Variants in HIBADH observed in about 807,000 individuals in gnomAD.
HIBADH encodes 3-hydroxyisobutyrate dehydrogenase, also known as 3-hydroxyisobutyrate dehydrogenase, mitochondrial.
HIBADH carries 25 observed loss-of-function variants against 36.1 expected under a neutral mutation model. That is an observed-to-expected ratio of 0.69 (90% CI 0.50 to 0.97). HIBADH has a LOEUF of 0.97. HIBADH is among the 50% of genes least tolerant of loss of function. HIBADH has a pLI of 0.00. For synonymous variants in HIBADH, 160 were observed against 149.5 expected (o/e 1.07, Z -0.51); for missense variants, 421 against 418.0 (o/e 1.01, Z -0.06).
At chr7:27,560,313 T>TC (rs1253747530) in intron 4 of HIBADH, among the ~76,000 whole-genome samples, 3 of 152,354 alleles carry the variant, frequency 2.0e-5, no homozygotes, top group Middle Eastern at 6.8e-3. Context: ...GAGACGGGGT[T>TC]TCGCCATGTT....
intron 2 of HIBADH, among the ~76,000 whole-genome samples, chr7:27,639,984 A>G (rs1785932407): frequency 6.6e-6 from 1 of 152,178 alleles, no homozygotes; most frequent in Admixed American, 6.5e-5. Flanking sequence ...AACTTGAAGT[A>G]GTCTGAACTA....
chr7:27,565,678 G>A (rs1784536947), intron 4 of HIBADH, among the ~76,000 whole-genome samples: 1 of 152,132 alleles, frequency 6.6e-6, no homozygotes. Context: ...GATTTCTAGT[G>A]AGAGACTAAG....
At position 27,585,384 on chromosome 7, in the gene HIBADH, T is replaced by A. The variant is rs115814098; in HGVS notation, c.485-42284A>T. Among the ~76,000 whole-genome samples the A allele has an allele frequency of 4.7e-3, 709 of 152,274 alleles. 7 individuals carry two copies. Among genetic ancestry groups the A allele is most frequent in the African/African-American group, 0.015 (639 of 41,570 alleles). On this transcript the variant is annotated intron_variant, in intron 4 of 7. Transcript: ENST00000265395. ...ACATCACCAAAGCAGTCTATGAGGCTACACATCTTCCCTATCTATGCTAGG... is the reference window on the plus strand; with the variant it reads ...ACATCACCAAAGCAGTCTATGAGGCAACACATCTTCCCTATCTATGCTAGG...
At chr7:27,527,917 C>CTTTTTTT (rs1562609863) in intron 7 of HIBADH, among the ~76,000 whole-genome samples, 2,333 of 76,952 alleles carry the variant, frequency 0.03, 693 homozygotes, top group African/African-American at 0.071. Flanking sequence ...CCACACCCAG[C>CTTTTTTT]GTTTTTTTTT....
chr7:27,545,227 G>A (rs191646535), intron 4 of HIBADH, among the ~76,000 whole-genome samples: 276 of 152,252 alleles, frequency 1.8e-3, no homozygotes, highest in Non-Finnish European at 1.9e-3. Flanking sequence ...GACTGCTTGA[G>A]CCCAGAAGTT....
chr7:27,629,393 G>A lies in HIBADH; in HGVS notation c.462C>T (p.Phe154=). The change falls in exon 4 of 8, where the codon TTC becomes TTT. Residue 154 remains phenylalanine (F), a synonymous_variant. Coordinates refer to ENST00000265395, the MANE Select transcript of HIBADH (RefSeq NM_152740.4). ...AKEVEKMGAV[F]MDAPVSGGVG... ...TACCACCAGAAACAGGGGCATCCAT[G>A]AAAACTGCTCCCATTTTCTCAACTT... is the stretch of plus-strand genomic sequence containing the variant. 1 of 1,611,752 alleles carries A rather than the reference G, an allele frequency of 6.2e-7. No homozygotes were observed.
At chr7:27,651,420 A>G (rs1174980585) in intron 1 of HIBADH, among the ~76,000 whole-genome samples, 3 of 152,230 alleles carry the variant, frequency 2.0e-5, no homozygotes, top group Admixed American at 1.3e-4. Context: ...AAGGAATTCA[A>G]TGACAGAAAA....
intron 4 of HIBADH, among the ~76,000 whole-genome samples, chr7:27,619,323 A>G (rs1302854228): frequency 2.0e-5 from 3 of 152,214 alleles, no homozygotes; most frequent in Non-Finnish European, 4.4e-5. Flanking sequence ...CTTCCCCTAT[A>G]AAAAGTAAAT....
intron 4 of HIBADH, among the ~76,000 whole-genome samples, chr7:27,577,347 G>A (rs1468175372): frequency 3.3e-5 from 5 of 151,830 alleles, no homozygotes; most frequent in Non-Finnish European, 7.4e-5. Context: ...ATTTTTAGTG[G>A]AGATGGGGTT....
At chr7:27,583,326 A>C (rs1381376075) in intron 4 of HIBADH, among the ~76,000 whole-genome samples, 2 of 152,052 alleles carry the variant, frequency 1.3e-5, no homozygotes, top group African/African-American at 2.4e-5. Context: ...AAGTAAGGAG[A>C]ACAAAATTCA....
At chr7:27,534,825 C>T (rs535122833) in intron 6 of HIBADH, among the ~76,000 whole-genome samples, 5 of 151,862 alleles carry the variant, frequency 3.3e-5, no homozygotes, top group African/African-American at 1.2e-4. Flanking sequence ...TACCACATAT[C>T]GACACCTACT....
At chr7:27,598,693 G>A (rs769092576) in intron 4 of HIBADH, among the ~76,000 whole-genome samples, 15 of 151,950 alleles carry the variant, frequency 9.9e-5, no homozygotes, top group Non-Finnish European at 2.2e-4. Flanking sequence ...GAAAGATAAA[G>A]GTCTCCAAAC....
intron 2 of HIBADH, among the ~76,000 whole-genome samples, chr7:27,636,727 C>A (rs577501083): frequency 6.6e-6 from 1 of 152,272 alleles, no homozygotes; most frequent in Non-Finnish European, 1.5e-5. Flanking sequence ...GCAGCATCTC[C>A]AAGGAAAATC....
Position 27,630,808 on chromosome 7 carries a change from A to G in HIBADH, c.363-1316T>C, listed in dbSNP as rs528521450. Reference sequence around the variant, plus strand: ...AATTTTAGACATATGAATTGTTACAATTCAAATGCAATTGTTGGGTATATT... The same window carrying G: ...AATTTTAGACATATGAATTGTTACAGTTCAAATGCAATTGTTGGGTATATT... On this transcript the variant is annotated intron_variant, in intron 3 of 7. Coordinates refer to ENST00000265395, the MANE Select transcript of HIBADH (RefSeq NM_152740.4). Among the ~76,000 whole-genome samples the G allele has an allele frequency of 7.9e-5, 12 of 152,322 alleles. No homozygotes were observed. In the South Asian group the frequency reaches 1.4e-3, roughly 18 times the overall value.
At position 27,526,189 on chromosome 7, in the gene HIBADH, C is replaced by A; in HGVS notation, c.*25G>T. 2 of 1,579,010 alleles carry A rather than the reference C, an allele frequency of 1.3e-6. No individual in the cohort carries two copies. Among genetic ancestry groups the A allele is most frequent in the Non-Finnish European group, 1.7e-6 (2 of 1,164,232 alleles). ...CTCCAAGACAGAGTTTGGTTCCCAACAGTGTCCGTGGCCAAAGGGCACACT... is the reference window on the plus strand; with the variant it reads ...CTCCAAGACAGAGTTTGGTTCCCAAAAGTGTCCGTGGCCAAAGGGCACACT... On this transcript the variant is annotated 3_prime_UTR_variant, in exon 8 of 8. Coordinates refer to ENST00000265395, the MANE Select transcript of HIBADH (RefSeq NM_152740.4).
intron 4 of HIBADH, 83 bp from the exon 5 acceptor site, chr7:27,543,183 C>T: frequency 7.3e-7 from 1 of 1,377,576 alleles, no homozygotes; most frequent in Non-Finnish European, 1.0e-6. Flanking sequence ...TTAGAGAAAC[C>T]AACTAAAAAC....
chr7:27,628,351 A>AC (rs1433811098), intron 4 of HIBADH, among the ~76,000 whole-genome samples: 2 of 152,108 alleles, frequency 1.3e-5, no homozygotes, highest in Non-Finnish European at 2.9e-5. Context: ...ATTATATGTT[A>AC]CTTTTTAATT....
At chr7:27,654,102 T>C (rs1786250636) in intron 1 of HIBADH, among the ~76,000 whole-genome samples, 1 of 152,132 alleles carries the variant, frequency 6.6e-6, no homozygotes, top group African/African-American at 2.4e-5. Flanking sequence ...ATATGTGAGA[T>C]GAAAATTATA....
At chr7:27,638,086 A>G (rs1785873595) in intron 2 of HIBADH, among the ~76,000 whole-genome samples, 1 of 152,110 alleles carries the variant, frequency 6.6e-6, no homozygotes, top group Admixed American at 6.5e-5. Flanking sequence ...TTTAAAATTT[A>G]TATGGAACCA....
Sources: allele counts gnomAD v4.1 joint callset (sites outside exome capture counted in the v4.1 genomes callset), GRCh38; gene constraint gnomAD v4.1.1; transcripts MANE v1.5; gene names NCBI Gene and HGNC (gene_info 2026-07-23, HGNC 2026-07-21).